The following CHD5 variants were observed in gnomAD, a reference collection of about 807,000 sequenced individuals.
CHD5 encodes ATP-dependent chromatin remodeler CHD5.
Under a neutral mutation model 230.3 loss-of-function variants are expected in CHD5, and 69 were observed. That is an observed-to-expected ratio of 0.30 (90% CI 0.25 to 0.37). The LOEUF (loss-of-function observed/expected upper bound fraction) is 0.37, where lower values mean the gene tolerates loss of function less well. Among genes scored for constraint, CHD5 ranks in the 10% least tolerant of loss-of-function variants. CHD5 has a pLI of 1.00. For missense variants in CHD5, 1,827 were observed against 2,622.8 expected, an observed-to-expected ratio of 0.70 and a Z score of 6.63; for synonymous variants, 1,064 against 1,065.9, an observed-to-expected ratio of 1.00 and a Z score of 0.03.
chr1:6,127,062 AG>A (rs1322426581), intron 25 of CHD5: 1 of 394,876 alleles, frequency 2.5e-6, no homozygotes, highest in African/African-American at 2.1e-5. Context: ...CTGGTTTCAA[AG>A]GAAAAGGTCA....
At chr1:6,150,898 C>A in intron 7 of CHD5, 134 bp downstream of exon 7, 1 of 1,171,602 alleles carries the variant, frequency 8.5e-7, no homozygotes, top group Non-Finnish European at 1.1e-6. Context: ...ATGCCCTCCC[C>A]CTGCTTCCCA....
chr1:6,149,495 G>A, intron 7 of CHD5, 83 bp from the exon 8 acceptor site: 2 of 1,399,358 alleles, frequency 1.4e-6, no homozygotes, highest in Admixed American at 2.0e-5. Context: ...GGCCAGACAG[G>A]CACAGAGTAG....
intron 13 of CHD5, 96 bp downstream of exon 13, chr1:6,143,727 A>G (rs1666866700): frequency 7.1e-6 from 8 of 1,132,994 alleles, no homozygotes; most frequent in Non-Finnish European, 1.0e-5. Context: ...GCCCAAGGAA[A>G]CATCCTTTTG....
intron 15 of CHD5, among the ~76,000 whole-genome samples, chr1:6,138,626 C>A (rs1666781079): frequency 6.6e-6 from 1 of 152,198 alleles, no homozygotes; most frequent in Non-Finnish European, 1.5e-5. Flanking sequence ...TGGGTTTGCA[C>A]ACAATCTTTT....
Position 6,159,531 on chromosome 1 carries a change from G to T in CHD5, c.208-16C>A. ...CATTGCTCCCCTGGAAAAGAAGGGG[G>T]ACAGTGAGGGCAACAGAGGCCCCAG... is the stretch of plus-strand genomic sequence containing the variant. On this transcript the variant is annotated splice_polypyrimidine_tract_variant and intron_variant, in intron 2 of 41. Transcript: ENST00000262450. 1 of 1,588,366 alleles carries T rather than the reference G, an allele frequency of 6.3e-7. No homozygotes were observed. The highest frequency in any genetic ancestry group is 8.6e-7 in the Non-Finnish European group (1 of 1,164,534).
chr1:6,109,667 C>T, intron 38 of CHD5, 128 bp downstream of exon 38: 4 of 784,256 alleles, frequency 5.1e-6, no homozygotes, highest in Non-Finnish European at 2.1e-6. Flanking sequence ...GCCCAGAAGT[C>T]CACCGCCCTC....
In CHD5 at chr1:6,154,576, G is replaced by C; in HGVS notation, c.745+84C>G. 3 of 1,272,728 alleles carry C rather than the reference G, an allele frequency of 2.4e-6. No homozygotes were observed. The highest frequency in any genetic ancestry group is 3.2e-6 in the Non-Finnish European group (3 of 942,928). 78.8% of individuals were successfully genotyped at this position (1,272,728 alleles called of 1,614,324 possible). ...GCACCCCAGCTGCCCCTCCCTGCCCGCGTCTGCCCCGTGGCTTCTCCTATA... is the reference window on the plus strand; with the variant it reads ...GCACCCCAGCTGCCCCTCCCTGCCCCCGTCTGCCCCGTGGCTTCTCCTATA... On this transcript the variant is annotated intron_variant, in intron 5 of 41. Coordinates refer to ENST00000262450, the MANE Select transcript of CHD5 (RefSeq NM_015557.3). The surrounding 1 kb of genome is among the most constrained non-coding windows in gnomAD (Gnocchi z 7.0).
At chr1:6,159,243 A>G (rs1466793998) in intron 3 of CHD5, 93 bp downstream of exon 3, 2 of 1,511,900 alleles carry the variant, frequency 1.3e-6, no homozygotes, top group Non-Finnish European at 1.8e-6. Flanking sequence ...ACACACACAC[A>G]CACACACACA....
rs1169213914 is a variant in CHD5, at chr1:6,128,669, G to A, written c.3620-60C>T. The stretch of plus-strand genomic sequence containing the variant: ...CCACAGAGGGCTGCAGGGTTGGCGG[G>A]CAGTGCCCAGAGACACCACCCTGGG... On this transcript the variant is annotated intron_variant, in intron 23 of 41. Coordinates refer to ENST00000262450, the MANE Select transcript of CHD5 (RefSeq NM_015557.3). The surrounding 1 kb of genome is among the most constrained non-coding windows in gnomAD (Gnocchi z 7.8). The A allele has an allele frequency of 4.0e-5, 58 of 1,441,802 alleles. No homozygotes were observed. Among genetic ancestry groups the A allele is most frequent in the Non-Finnish European group, 3.9e-6 (4 of 1,030,582 alleles). 89.3% of individuals were successfully genotyped at this position (1,441,802 alleles called of 1,614,324 possible). A position where few individuals can be genotyped will look rare whatever the true frequency, so the allele number is the denominator to read the frequency against.
chr1:6,125,349 G>T lies in CHD5; in HGVS notation c.4261-116C>A. On this transcript the variant is annotated intron_variant, in intron 28 of 41. Coordinates refer to ENST00000262450, the MANE Select transcript of CHD5 (RefSeq NM_015557.3). This position sits in a 1 kb window ranked among gnomAD's most constrained non-coding sequence, Gnocchi z 6.7. ...GGAGAAGGTAGGAAGGGGGCACAGAGAAGGCAGGGGCCTCCACCTGGGGCA... is the reference window on the plus strand; with the variant it reads ...GGAGAAGGTAGGAAGGGGGCACAGATAAGGCAGGGGCCTCCACCTGGGGCA... 8.1e-7 allele frequency: 1 copy of T among 1,230,614 alleles called. No homozygotes were observed. The highest frequency in any genetic ancestry group is 1.1e-6 in the Non-Finnish European group (1 of 892,122). 76.2% of individuals were successfully genotyped at this position (1,230,614 alleles called of 1,614,324 possible).
At position 6,180,242 on chromosome 1, in the gene CHD5, G is replaced by GCAGGGGGAGGCGAGGAAA. The variant is rs1667494754; in HGVS notation, c.-220_-219insTTTCCTCGCCTCCCCCTG. ...AGCCTGCTCCCCGCAAAGCCCGGGC[G>GCAGGGGGAGGCGAGGAAA]CTCCTCCCACCGCGCCCCGCAGCCC... On this transcript the variant is annotated 5_prime_UTR_variant, in exon 1 of 42. Transcript: ENST00000262450. 5.7e-6 allele frequency: 1 copy of GCAGGGGGAGGCGAGGAAA among 175,402 alleles called. No individual in the cohort carries two copies. 10.9% of individuals were successfully genotyped at this position (175,402 alleles called of 1,614,324 possible). A position where few individuals can be genotyped will look rare whatever the true frequency, so the allele number is the denominator to read the frequency against.
At chr1:6,138,197 C>G (rs2746065) in intron 15 of CHD5, among the ~76,000 whole-genome samples, 11,695 of 152,102 alleles carry the variant, frequency 0.077, 685 homozygotes, top group East Asian at 0.29. Flanking sequence ...CCAACATAGC[C>G]AAACCCCATC....
At position 6,102,095 on chromosome 1, in the gene CHD5, C is replaced by CT; in HGVS notation, c.*3378dup. 2.7e-6 allele frequency: 1 copy of CT among 374,910 alleles called. No individual in the cohort carries two copies. The highest frequency in any genetic ancestry group is 5.3e-6 in the Non-Finnish European group (1 of 189,500). 23.2% of individuals were successfully genotyped at this position (374,910 alleles called of 1,614,324 possible). On this transcript the variant is annotated 3_prime_UTR_variant, in exon 42 of 42. Transcript: ENST00000262450. ...GGCCTGGGCCGGTGGAGTCTGCTCC[C>CT]TCCACACCCCTGAACTCAGACCCCA...
chr1:6,150,221 G>A (rs925617288), intron 7 of CHD5, among the ~76,000 whole-genome samples: 1 of 148,624 alleles, frequency 6.7e-6, no homozygotes. Context: ...CCAATGAATG[G>A]ATAATGGATG....
rs1444901082 is a variant in CHD5, at chr1:6,136,836, C to T, written c.2466G>A (p.Leu822=). 1 of 1,611,754 alleles carries T rather than the reference C, an allele frequency of 6.2e-7. No individual in the cohort carries two copies. The highest frequency in any genetic ancestry group is 1.1e-5 in the South Asian group (1 of 90,898). The stretch of plus-strand genomic sequence containing the variant: ...TGGTGATGAGCTCATAGGAGGTGAG[C>T]AGCACGTGGAATTTGATCTGCACTT... The part of the protein sequence containing the change: ...KKEVQIKFHV[L]LTSYELITID... Residue 822 remains leucine (L), a synonymous_variant, in exon 16 of 42, where the codon CTG becomes CTA. Transcript: ENST00000262450.
intron 31 of CHD5, among the ~76,000 whole-genome samples, chr1:6,122,857 G>A (rs1440453367): frequency 6.6e-6 from 1 of 152,156 alleles, no homozygotes; most frequent in Non-Finnish European, 1.5e-5. Flanking sequence ...ATCACCTGAG[G>A]TCAGGAATTC....
Position 6,128,980 on chromosome 1 carries a change from C to T in CHD5, c.3477G>A (p.Thr1159=), listed in dbSNP as rs1406278619. 8 of 1,612,468 alleles carry T rather than the reference C, an allele frequency of 5.0e-6. No individual in the cohort carries two copies. The highest frequency in any genetic ancestry group is 1.3e-5 in the African/African-American group (1 of 75,056). ...GCATCATCTTGCGCTTGGCCACCTG[C>T]GTGATGCGCTCCTCCACCGAGGCCC... The part of the protein sequence containing the change: ...VTRASVEERI[T]QVAKRKMMLT... Residue 1159 remains threonine, a synonymous_variant, in exon 23 of 42, where the codon ACG becomes ACA. Coordinates refer to ENST00000262450, the MANE Select transcript of CHD5 (RefSeq NM_015557.3). The surrounding 1 kb of genome is among the most constrained non-coding windows in gnomAD (Gnocchi z 7.8).
At chr1:6,163,993 G>C (rs2100878029) in intron 2 of CHD5, among the ~76,000 whole-genome samples, 1 of 152,350 alleles carries the variant, frequency 6.6e-6, no homozygotes, top group South Asian at 2.1e-4. Flanking sequence ...GTTATGCCCA[G>C]CCTATGTGTG....
rs1666470464 is a variant in CHD5 at position 6,121,503 on chromosome 1, C to T, written c.4770G>A (p.Leu1590=). 6.2e-7 allele frequency: 1 copy of T among 1,611,952 alleles called. No homozygotes were observed. Among genetic ancestry groups the T allele is most frequent in the African/African-American group, 1.3e-5 (1 of 74,916 alleles). Residue 1590 remains leucine, a synonymous_variant, in exon 32 of 42, where the codon CTG becomes CTA. Coordinates refer to ENST00000262450, the MANE Select transcript of CHD5 (RefSeq NM_015557.3). This position sits in a 1 kb window ranked among gnomAD's most constrained non-coding sequence, Gnocchi z 4.5. ...CCAGCAAGTTCCACACCTGGACTTC[C>T]AGGGGCTGCCTTGGCTTCTGTGCCC... ...DPGAQKPRQP[L]EVQALPAALD...
Sources: gnomAD v4.1 joint callset for allele counts (sites outside exome capture counted in the v4.1 genomes callset) on GRCh38, gnomAD v4.1.1 for gene constraint, Gnocchi (gnomAD v3.1) non-coding constraint, MANE v1.5 for transcripts, NCBI Gene and HGNC (gene_info 2026-07-23, HGNC 2026-07-21) for gene names.